Variants in SCARB1 observed in about 807,000 individuals in gnomAD.
SCARB1 encodes the protein CD36 and LIMPII analogous 1.
A neutral mutation model predicts 57.2 loss-of-function variants in SCARB1; 30 were observed. That is an observed-to-expected ratio of 0.52 (90% CI 0.39 to 0.71). The LOEUF is 0.71. Ranked by LOEUF, SCARB1 falls within the 30% of genes least tolerant of loss-of-function variation. The probability of loss-of-function intolerance (pLI) is 0.00; values close to 1 mark genes in which losing one functional copy is unlikely to be tolerated. For synonymous variants in SCARB1, 249 were observed against 268.3 expected (o/e 0.93, Z 0.70); for missense variants, 543 against 671.2 (o/e 0.81, Z 2.11).
intron 1 of SCARB1, among the ~76,000 whole-genome samples, chr12:124,849,894 T>TCGC: frequency 8.4e-6 from 1 of 118,536 alleles, no homozygotes; most frequent in South Asian, 2.8e-4. Flanking sequence ...AAGACCCCTG[T>TCGC]CTCTACAAAA....
Position 124,777,059 on chromosome 12 carries a change from C to CCCTCT in SCARB1, c.*1523_*1527dup, listed in dbSNP as rs1872548173. 6.6e-6 allele frequency: 1 copy of CCCTCT among 152,006 alleles called. No homozygotes were observed. Among genetic ancestry groups the CCCTCT allele is most frequent in the Non-Finnish European group, 1.5e-5 (1 of 68,004 alleles). 9.4% of individuals were successfully genotyped at this position (152,006 alleles called of 1,614,324 possible). On this transcript the variant is annotated 3_prime_UTR_variant, in exon 13 of 13. Coordinates refer to ENST00000261693, the MANE Select transcript of SCARB1 (RefSeq NM_005505.5). ...TCTTTGAAATGTTCGGCAGTGAATA[C>CCCTCT]CCTCTCCTCTCCTAGTTAGATCCCA...
intron 12 of SCARB1, among the ~76,000 whole-genome samples, chr12:124,782,388 C>T (rs2135524704): frequency 6.6e-6 from 1 of 152,324 alleles, no homozygotes; most frequent in Admixed American, 6.5e-5. Context: ...ACAAGAGATT[C>T]CAGAAGCAGC....
intron 1 of SCARB1, among the ~76,000 whole-genome samples, chr12:124,838,626 C>T (rs1369557688): frequency 6.6e-6 from 1 of 152,058 alleles, no homozygotes; most frequent in Non-Finnish European, 1.5e-5. Flanking sequence ...TGACCCTGGC[C>T]AACAGGCTGG....
intron 8 of SCARB1, among the ~76,000 whole-genome samples, 194 bp from the exon 9 acceptor site, chr12:124,795,462 T>G (rs1307698149): frequency 1.3e-5 from 2 of 152,180 alleles, no homozygotes; most frequent in African/African-American, 2.4e-5. Context: ...GCAGGTGCAC[T>G]GGGATCTCCT....
Position 124,821,074 on chromosome 12 carries a change from C to T in SCARB1, c.127-3367G>A, listed in dbSNP as rs118086012. 7.6e-3 allele frequency among the ~76,000 whole-genome samples: 1,160 copies of T among 152,090 alleles called. 12 individuals carry two copies. Among genetic ancestry groups the T allele is most frequent in the Admixed American group, 0.014 (220 of 15,268 alleles). ...CCTGAGCATGGAGACTCCATCTCTACAAAAAATAGAAAAATCAGCCATCCG... is the reference window on the plus strand; with the variant it reads ...CCTGAGCATGGAGACTCCATCTCTATAAAAAATAGAAAAATCAGCCATCCG... On this transcript the variant is annotated intron_variant, in intron 1 of 12. Transcript: ENST00000261693.
At chr12:124,805,832 A>G (rs374458851) in intron 7 of SCARB1, among the ~76,000 whole-genome samples, 15 of 145,094 alleles carry the variant, frequency 1.0e-4, no homozygotes, top group Admixed American at 5.8e-4. Context: ...GGCCTCCTAC[A>G]GGGTTGTGAT....
At chr12:124,859,672 A>T (rs1363192334) in intron 1 of SCARB1, among the ~76,000 whole-genome samples, 1 of 152,222 alleles carries the variant, frequency 6.6e-6, no homozygotes. Flanking sequence ...TCTAATATTA[A>T]GCCATTGAAA....
At position 124,860,852 on chromosome 12, in the gene SCARB1, C is replaced by T. The variant is rs115766205; in HGVS notation, c.126+2743G>A. Among the ~76,000 whole-genome samples the T allele has an allele frequency of 2.5e-3, 382 of 152,282 alleles. 2 individuals are homozygous for T. Among genetic ancestry groups the T allele is most frequent in the African/African-American group, 9.1e-3 (379 of 41,550 alleles). Reference sequence around the variant, plus strand: ...ACGCGGGGTAGACTTATTGCTGAGACATGGAAAATTTTTCAGCTGGTATCT... The same window carrying T: ...ACGCGGGGTAGACTTATTGCTGAGATATGGAAAATTTTTCAGCTGGTATCT... On this transcript the variant is annotated intron_variant, in intron 1 of 12. Transcript: ENST00000261693.
Position 124,848,482 on chromosome 12 carries a change from G to A in SCARB1, c.126+15113C>T, listed in dbSNP as rs376145189. On this transcript the variant is annotated intron_variant, in intron 1 of 12. Coordinates refer to ENST00000261693, the MANE Select transcript of SCARB1 (RefSeq NM_005505.5). ...CAGATTAAAGGTGTGGATCCTCGTGGCCTTCTTGAGTGGGGCCGTGGTCCA... is the reference window on the plus strand; with the variant it reads ...CAGATTAAAGGTGTGGATCCTCGTGACCTTCTTGAGTGGGGCCGTGGTCCA... 9.9e-5 allele frequency among the ~76,000 whole-genome samples: 15 copies of A among 152,184 alleles called. No individual in the cohort carries two copies. The East Asian group carries it at 2.1e-3, about 22-fold the overall frequency.
intron 12 of SCARB1, 57 bp downstream of exon 12, chr12:124,782,626 G>A (rs1949359033): frequency 1.3e-6 from 2 of 1,579,288 alleles, no homozygotes; most frequent in Admixed American, 3.4e-5. Context: ...TAAGCCGCCA[G>A]CATTCTACTT....
At position 124,853,843 on chromosome 12, in the gene SCARB1, G is replaced by A. The variant is rs191052934; in HGVS notation, c.126+9752C>T. ...CAGCTCGGTCTGGGGCGACGGCCAC[G>A]GCAGGTGGAGGAGTAGGCCCCATTG... On this transcript the variant is annotated intron_variant, in intron 1 of 12. Coordinates refer to ENST00000261693, the MANE Select transcript of SCARB1 (RefSeq NM_005505.5). Among the ~76,000 whole-genome samples, 581 of 152,302 alleles carry A rather than the reference G, an allele frequency of 3.8e-3. 3 individuals are homozygous for A. The highest frequency in any genetic ancestry group is 0.013 in the African/African-American group (549 of 41,558).
At chr12:124,848,107 G>A (rs1193617318) in intron 1 of SCARB1, among the ~76,000 whole-genome samples, 10 of 152,132 alleles carry the variant, frequency 6.6e-5, no homozygotes, top group African/African-American at 1.9e-4. Flanking sequence ...TTTCTGAGAC[G>A]GAGACTCACT....
chr12:124,856,743 C>T (rs75768897), intron 1 of SCARB1, among the ~76,000 whole-genome samples: 1,659 of 152,310 alleles, frequency 0.011, 31 homozygotes, highest in East Asian at 0.053. Flanking sequence ...TGGGCCTCCC[C>T]CCCAGGTTCC....
chr12:124,801,968 T>C (rs1010251640), intron 7 of SCARB1, among the ~76,000 whole-genome samples: 1 of 151,660 alleles, frequency 6.6e-6, no homozygotes, highest in Non-Finnish European at 1.5e-5. Flanking sequence ...CTGACCGATA[T>C]GGAGAAACCC....
chr12:124,857,179 C>G (rs1334263354), intron 1 of SCARB1, among the ~76,000 whole-genome samples: 1 of 152,130 alleles, frequency 6.6e-6, no homozygotes, highest in African/African-American at 2.4e-5. Flanking sequence ...GACTTGAAAT[C>G]CTGATTCAAC....
intron 4 of SCARB1, among the ~76,000 whole-genome samples, chr12:124,813,928 C>T (rs1450489407): frequency 6.6e-6 from 1 of 152,200 alleles, no homozygotes; most frequent in Non-Finnish European, 1.5e-5. Context: ...CTTCCTCCAG[C>T]AAAGCCTCCA....
Position 124,814,244 on chromosome 12 carries a change from TG to T in SCARB1, c.587del (p.Pro196GlnfsTer45), listed in dbSNP as rs1352860234. 6.2e-7 allele frequency: 1 copy of T among 1,614,194 alleles called. No homozygotes were observed. The highest frequency in any genetic ancestry group is 2.2e-5 in the East Asian group (1 of 44,882). On this transcript the variant is annotated frameshift_variant, in exon 4 of 13. Coordinates refer to ENST00000261693, the MANE Select transcript of SCARB1 (RefSeq NM_005505.5). LOFTEE classifies it high-confidence loss of function. This position sits in a 1 kb window ranked among gnomAD's most constrained non-coding sequence, Gnocchi z 4.7. ...PLVNLINKYFPGMFPFKDKFG... is the reference protein window; with the variant it reads ...PLVNLINKYFXGMFPFKDKFG... ...ACTTGTCCTTGAAGGGGAACATGCC[TG>T]GAAAGTACTTGTTGATGAGATTCAC... is the stretch of plus-strand genomic sequence containing the variant.
At chr12:124,844,748 A>T (rs369090544) in intron 1 of SCARB1, among the ~76,000 whole-genome samples, 343 of 152,190 alleles carry the variant, frequency 2.3e-3, no homozygotes, top group African/African-American at 7.6e-3. Flanking sequence ...TCCGGCCTCC[A>T]GAACTGTACG....
At position 124,837,464 on chromosome 12, in the gene SCARB1, AAAGAAAGAAAGG is replaced by A. The variant is rs1450820393; in HGVS notation, c.127-19769_127-19758del. Reference sequence around the variant, plus strand: ...AAAGAAAAGAAAGAAAGAAGGAAAGAAAGAAAGAAAGGAAGGAAGGAAGGAAGGAAGGAAGGA... The same window carrying A: ...AAAGAAAAGAAAGAAAGAAGGAAAGAAAGGAAGGAAGGAAGGAAGGAAGGA... On this transcript the variant is annotated intron_variant, in intron 1 of 12. Coordinates refer to ENST00000261693, the MANE Select transcript of SCARB1 (RefSeq NM_005505.5). Among the ~76,000 whole-genome samples the A allele has an allele frequency of 6.1e-4, 43 of 70,424 alleles. No individual in the cohort carries two copies. The South Asian group carries it at 8.2e-3, about 13-fold the overall frequency. The allele number at this position is 70,424 out of a possible 152,430, so 46.2% of individuals were successfully genotyped here.
Sources: allele counts gnomAD v4.1 joint callset (sites outside exome capture counted in the v4.1 genomes callset), GRCh38; gene constraint gnomAD v4.1.1; non-coding constraint Gnocchi (gnomAD v3.1); transcripts MANE v1.5; gene names NCBI Gene and HGNC (gene_info 2026-07-23, HGNC 2026-07-21).